The following NME7 variants were observed in gnomAD, a reference collection of about 807,000 sequenced individuals.
NME7 encodes the protein nucleoside diphosphate kinase 7.
In NME7, 41 loss-of-function variants were observed where a neutral mutation model predicts 49.1. That is an observed-to-expected ratio of 0.83 (90% CI 0.65 to 1.08). NME7 has a LOEUF of 1.08. Ranked by LOEUF, NME7 falls within the 50% of genes least tolerant of loss-of-function variation. The pLI is 0.00. For missense variants in NME7, 423 were observed against 463.4 expected (o/e 0.91, Z 0.80); for synonymous variants, 139 against 150.6 (o/e 0.92, Z 0.56).
Position 169,320,540 on chromosome 1 carries a change from T to C in NME7, c.278+2577A>G, listed in dbSNP as rs184368165. 1.9e-3 allele frequency among the ~76,000 whole-genome samples: 290 copies of C among 152,308 alleles called. 2 individuals carry two copies. The highest frequency in any genetic ancestry group is 6.8e-3 in the African/African-American group (284 of 41,572). ...GAACTAGACTAAATCGGTTGTTACA[T>C]AGAAGGTGTTTCTGTGGAACGCTGA... On this transcript the variant is annotated intron_variant, in intron 3 of 11. Coordinates refer to ENST00000367811, the MANE Select transcript of NME7 (RefSeq NM_013330.5).
At chr1:169,134,209 C>T (rs1658352667) in intron 11 of NME7, among the ~76,000 whole-genome samples, 1 of 152,192 alleles carries the variant, frequency 6.6e-6, no homozygotes, top group Non-Finnish European at 1.5e-5. Context: ...TATCAGTGAA[C>T]AAAACAGACA....
At chr1:169,213,958 A>G (rs1017920605) in intron 10 of NME7, among the ~76,000 whole-genome samples, 1 of 152,046 alleles carries the variant, frequency 6.6e-6, no homozygotes, top group Non-Finnish European at 1.5e-5. Flanking sequence ...ATACATATTG[A>G]TTGGTGGTAA....
At chr1:169,225,716 C>T (rs1647302579) in intron 10 of NME7, among the ~76,000 whole-genome samples, 2 of 151,976 alleles carry the variant, frequency 1.3e-5, no homozygotes, top group South Asian at 4.2e-4. Flanking sequence ...TCTTGTGCAC[C>T]CTCTCCTCTT....
At chr1:169,325,290 G>A (rs1042627402) in intron 1 of NME7, among the ~76,000 whole-genome samples, 9 of 152,100 alleles carry the variant, frequency 5.9e-5, no homozygotes, top group Admixed American at 5.2e-4. Flanking sequence ...CAAGGACAGG[G>A]AGGGGCCAGC....
At chr1:169,359,084 C>T (rs1309668840) in intron 1 of NME7, among the ~76,000 whole-genome samples, 1 of 152,042 alleles carries the variant, frequency 6.6e-6, no homozygotes, top group Admixed American at 6.6e-5. Flanking sequence ...TTCCAGGACT[C>T]CTACAGATAC....
intron 7 of NME7, chr1:169,285,044 T>C (rs979034319): frequency 1.3e-5 from 2 of 152,182 alleles, no homozygotes; most frequent in South Asian, 2.1e-4. Flanking sequence ...TATATGTATA[T>C]GTACACAAAT....
At chr1:169,355,318 TTATATATAA>T (rs1653421678) in intron 1 of NME7, among the ~76,000 whole-genome samples, 1 of 108,680 alleles carries the variant, frequency 9.2e-6, no homozygotes, top group East Asian at 2.7e-4. Context: ...ATATTGTATA[TTATATATAA>T]TATATTGTAT....
intron 11 of NME7, among the ~76,000 whole-genome samples, chr1:169,135,014 C>CA (rs58463903): frequency 0.051 from 2,541 of 50,248 alleles, 329 homozygotes; most frequent in Non-Finnish European, 0.054. Flanking sequence ...CCCGTCTCTA[C>CA]AAAAAAAAAA....
intron 10 of NME7, among the ~76,000 whole-genome samples, chr1:169,224,801 G>C (rs1379117921): frequency 6.6e-6 from 1 of 152,100 alleles, no homozygotes; most frequent in Non-Finnish European, 1.5e-5. Flanking sequence ...GAAATACTAA[G>C]ATGAATAAAA....
intron 10 of NME7, among the ~76,000 whole-genome samples, chr1:169,223,536 C>T (rs536653142): frequency 3.3e-5 from 5 of 152,230 alleles, no homozygotes; most frequent in East Asian, 3.9e-4. Flanking sequence ...AAATTGGTTT[C>T]GATTCAACTA....
chr1:169,326,902 G>T (rs1051528166), intron 1 of NME7, among the ~76,000 whole-genome samples: 1 of 152,106 alleles, frequency 6.6e-6, no homozygotes, highest in African/African-American at 2.4e-5. Context: ...TTACTTTTCA[G>T]CTTTGTTGAG....
At chr1:169,237,551 A>C in intron 8 of NME7, 72 bp downstream of exon 8, 2 of 1,112,250 alleles carry the variant, frequency 1.8e-6, no homozygotes, top group Non-Finnish European at 2.7e-6. Flanking sequence ...GGGAACATTC[A>C]ATGTAAAGCA....
intron 10 of NME7, among the ~76,000 whole-genome samples, chr1:169,190,912 A>C (rs1660207285): frequency 1.1e-5 from 1 of 88,978 alleles, no homozygotes; most frequent in African/African-American, 3.8e-5. Context: ...TCCCGGGTTC[A>C]CGCCATTCTC....
At chr1:169,328,282 T>G (rs1268024688) in intron 1 of NME7, among the ~76,000 whole-genome samples, 1 of 152,128 alleles carries the variant, frequency 6.6e-6, no homozygotes, top group Non-Finnish European at 1.5e-5. Context: ...TTTTCCCCAT[T>G]TGAAAAATGG....
At chr1:169,167,117 G>C (rs1386624680) in intron 11 of NME7, among the ~76,000 whole-genome samples, 3 of 152,134 alleles carry the variant, frequency 2.0e-5, no homozygotes, top group Admixed American at 6.5e-5. Flanking sequence ...TCAGAAACAG[G>C]CAAGGATGTA....
intron 11 of NME7, among the ~76,000 whole-genome samples, chr1:169,158,558 C>A (rs1321528475): frequency 1.3e-5 from 2 of 152,008 alleles, no homozygotes; most frequent in Non-Finnish European, 2.9e-5. Flanking sequence ...GAGCTCATAC[C>A]AGACCTCCTT....
intron 11 of NME7, among the ~76,000 whole-genome samples, chr1:169,139,342 A>G (rs1202674831): frequency 6.6e-6 from 1 of 152,194 alleles, no homozygotes; most frequent in African/African-American, 2.4e-5. Flanking sequence ...TCCCATTTTC[A>G]GTTCATGAGA....
chr1:169,142,257 G>A (rs1309761020), intron 11 of NME7, among the ~76,000 whole-genome samples: 2 of 152,198 alleles, frequency 1.3e-5, no homozygotes, highest in African/African-American at 4.8e-5. Flanking sequence ...TAAGAGCTCA[G>A]CTAACATCTT....
chr1:169,285,412 T>C (rs1650240638), intron 7 of NME7: 1 of 152,186 alleles, frequency 6.6e-6, no homozygotes, highest in Non-Finnish European at 1.5e-5. Context: ...TCCCAGGTTT[T>C]TTTCCATAAA....
Sources: allele counts gnomAD v4.1 joint callset (sites outside exome capture counted in the v4.1 genomes callset), GRCh38; gene constraint gnomAD v4.1.1; transcripts MANE v1.5; gene names NCBI Gene and HGNC (gene_info 2026-07-23, HGNC 2026-07-21).